The following TRIO variants were observed in gnomAD, a reference collection of about 807,000 sequenced individuals.
TRIO encodes trio Rho guanine nucleotide exchange factor, also known as triple functional domain protein.
TRIO carries 58 observed loss-of-function variants against 351.9 expected under a neutral mutation model. The observed-to-expected ratio is 0.16, with a 90% CI of 0.13 to 0.21. The LOEUF (loss-of-function observed/expected upper bound fraction) is 0.21. Among genes scored for constraint, TRIO ranks in the 10% least tolerant of loss-of-function variants. The probability of loss-of-function intolerance (pLI) is 1.00; values close to 1 mark genes in which losing one functional copy is unlikely to be tolerated. For missense variants in TRIO, 3,201 were observed against 4,027.8 expected, an observed-to-expected ratio of 0.79 and a Z score of 5.56; for synonymous variants, 1,758 against 1,595.7, an observed-to-expected ratio of 1.10 and a Z score of -2.42.
chr5:14,285,981 G>A (rs1736413164), intron 3 of TRIO, among the ~76,000 whole-genome samples: 2 of 152,134 alleles, frequency 1.3e-5, no homozygotes, highest in East Asian at 1.9e-4. Flanking sequence ...TTTTTAACCT[G>A]TGTTTAAGGA....
Position 14,504,303 on chromosome 5 carries a change from C to G in TRIO, c.8412-90C>G, listed in dbSNP as rs571244593. 3.5e-6 allele frequency: 5 copies of G among 1,440,114 alleles called. No individual in the cohort carries two copies. The East Asian group carries it at 1.1e-4, about 33-fold the overall frequency. The allele number at this position is 1,440,114 out of a possible 1,614,324, so 89.2% of individuals were successfully genotyped here. A position where few individuals can be genotyped will look rare whatever the true frequency, so the allele number is the denominator to read the frequency against. On this transcript the variant is annotated intron_variant, in intron 54 of 56. Transcript: ENST00000344204. ...GGGCCTCTGGACAGGGCTGGGCCAC[C>G]ACACAGCCAGTCCATTTAGGATAAC...
chr5:14,387,301 G>A (rs1746627628), intron 21 of TRIO, 137 bp from the exon 22 acceptor site: 4 of 770,272 alleles, frequency 5.2e-6, no homozygotes, highest in Non-Finnish European at 8.2e-6. Context: ...GGTGGACCTG[G>A]GGCTTTGGTC....
At chr5:14,482,826 C>A in intron 46 of TRIO, 53 bp downstream of exon 46, 1 of 1,391,088 alleles carries the variant, frequency 7.2e-7, no homozygotes, top group Non-Finnish European at 9.5e-7. Context: ...ACCCGTCACA[C>A]CGATACACTG....
intron 11 of TRIO, among the ~76,000 whole-genome samples, chr5:14,340,115 C>T (rs916124393): frequency 6.6e-6 from 1 of 152,092 alleles, no homozygotes; most frequent in South Asian, 2.1e-4. Flanking sequence ...CTTGTCTTGG[C>T]TGGGCGTGGT....
chr5:14,146,864 C>T (rs1787552202), intron 1 of TRIO, among the ~76,000 whole-genome samples: 1 of 152,218 alleles, frequency 6.6e-6, no homozygotes, highest in African/African-American at 2.4e-5. Flanking sequence ...CAGGGTTCAC[C>T]TCACCCAAGG....
At chr5:14,484,292 G>A (rs1213092423) in intron 46 of TRIO, among the ~76,000 whole-genome samples, 1 of 152,148 alleles carries the variant, frequency 6.6e-6, no homozygotes, top group East Asian at 1.9e-4. Flanking sequence ...TGATATTTGA[G>A]ATTTGTTTAA....
intron 46 of TRIO, 89 bp downstream of exon 46, chr5:14,482,862 G>A (rs1755636692): frequency 8.2e-7 from 1 of 1,225,486 alleles, no homozygotes; most frequent in Non-Finnish European, 1.1e-6. Flanking sequence ...GACATACCCT[G>A]ATGCTTCGTT....
chr5:14,437,377 G>T lies in TRIO; in HGVS notation c.5203+17356G>T, dbSNP rs189694375. On this transcript the variant is annotated intron_variant, in intron 34 of 56. Coordinates refer to ENST00000344204, the MANE Select transcript of TRIO (RefSeq NM_007118.4). Reference sequence around the variant, plus strand: ...TGTTTTCTTCCCCACCCACCTCGGGGTGATGTTGTTCAGCTGGGTTCATTG... The same window carrying T: ...TGTTTTCTTCCCCACCCACCTCGGGTTGATGTTGTTCAGCTGGGTTCATTG... Among the ~76,000 whole-genome samples the T allele has an allele frequency of 3.9e-3, 599 of 152,254 alleles. 3 individuals carry two copies. Among genetic ancestry groups the T allele is most frequent in the African/African-American group, 0.014 (564 of 41,528 alleles).
chr5:14,286,832 G>A lies in TRIO; in HGVS notation c.348-39G>A. 6.3e-7 allele frequency: 1 copy of A among 1,590,550 alleles called. No individual in the cohort carries two copies. Among genetic ancestry groups the A allele is most frequent in the South Asian group, 1.2e-5 (1 of 86,956 alleles). ...ACTCTGACCAGGCAGAGTGGCAAGA[G>A]ATGTAACCCGTCTTCAGCCATGTTT... is the stretch of plus-strand genomic sequence containing the variant. On this transcript the variant is annotated intron_variant, in intron 3 of 56. Transcript: ENST00000344204. The surrounding 1 kb of genome is among the most constrained non-coding windows in gnomAD (Gnocchi z 4.4).
At chr5:14,158,042 G>A (rs1049684742) in intron 1 of TRIO, among the ~76,000 whole-genome samples, 6 of 152,042 alleles carry the variant, frequency 3.9e-5, no homozygotes, top group Non-Finnish European at 8.8e-5. Flanking sequence ...TGTATTTCTA[G>A]CAACCCTTTC....
At chr5:14,258,360 G>C (rs1795145937) in intron 1 of TRIO, among the ~76,000 whole-genome samples, 1 of 152,206 alleles carries the variant, frequency 6.6e-6, no homozygotes, top group Admixed American at 6.5e-5. Flanking sequence ...TGCTGTAGGT[G>C]CAGAGAGTTG....
chr5:14,202,185 A>G (rs1269393651), intron 1 of TRIO, among the ~76,000 whole-genome samples: 1 of 151,994 alleles, frequency 6.6e-6, no homozygotes, highest in Non-Finnish European at 1.5e-5. Context: ...TATAGCATAT[A>G]GATAACCCAG....
chr5:14,156,369 G>A (rs930763083), intron 1 of TRIO, among the ~76,000 whole-genome samples: 7 of 152,162 alleles, frequency 4.6e-5, no homozygotes, highest in Admixed American at 1.3e-4. Context: ...CTACAGAGTT[G>A]TCCTTGCTTT....
intron 40 of TRIO, among the ~76,000 whole-genome samples, chr5:14,475,712 T>C (rs1755025635): frequency 6.6e-6 from 1 of 152,218 alleles, no homozygotes; most frequent in South Asian, 2.1e-4. Context: ...GGATATTTTG[T>C]ATTATGATTT....
chr5:14,300,555 T>C (rs1181285814), intron 7 of TRIO, among the ~76,000 whole-genome samples: 4 of 152,226 alleles, frequency 2.6e-5, no homozygotes, highest in African/African-American at 9.6e-5. Context: ...AATTTATCTA[T>C]GACTTTAGGC....
chr5:14,409,659 C>T (rs888450798), intron 33 of TRIO, among the ~76,000 whole-genome samples: 4 of 151,840 alleles, frequency 2.6e-5, no homozygotes, highest in Non-Finnish European at 5.9e-5. Context: ...ATGGTGAAAC[C>T]CCGTCTCTAC....
At chr5:14,157,010 A>T (rs1204283158) in intron 1 of TRIO, among the ~76,000 whole-genome samples, 4 of 152,222 alleles carry the variant, frequency 2.6e-5, no homozygotes, top group Non-Finnish European at 4.4e-5. Flanking sequence ...CTTCATCTCA[A>T]TGTACAAATT....
At chr5:14,409,491 A>G (rs1488987703) in intron 33 of TRIO, among the ~76,000 whole-genome samples, 3 of 151,764 alleles carry the variant, frequency 2.0e-5, no homozygotes, top group African/African-American at 7.3e-5. Context: ...GTTTCTCTTG[A>G]CCTCATCTGA....
At chr5:14,200,495 T>C (rs1235330548) in intron 1 of TRIO, among the ~76,000 whole-genome samples, 1 of 152,242 alleles carries the variant, frequency 6.6e-6, no homozygotes, top group East Asian at 1.9e-4. Flanking sequence ...TTCACATCTG[T>C]GCTCCTAGGG....
Sources: allele counts gnomAD v4.1 joint callset (sites outside exome capture counted in the v4.1 genomes callset), GRCh38; gene constraint gnomAD v4.1.1; non-coding constraint Gnocchi (gnomAD v3.1); transcripts MANE v1.5; gene names NCBI Gene and HGNC (gene_info 2026-07-23, HGNC 2026-07-21).